The following SYT16 variants were observed in gnomAD, a reference collection of about 807,000 sequenced individuals.
SYT16 encodes synaptotagmin 16.
In SYT16, 42 loss-of-function variants were observed where a neutral mutation model predicts 61.4. The observed-to-expected ratio is 0.68, with a 90% confidence interval of 0.53 to 0.89. SYT16 has a LOEUF of 0.89. Among genes scored for constraint, SYT16 ranks in the 40% least tolerant of loss-of-function variants. The pLI is 0.00. For missense variants in SYT16, 804 were observed against 807.3 expected (o/e 1.00, Z 0.05); for synonymous variants, 314 against 302.3 (o/e 1.04, Z -0.40).
At chr14:61,814,396 G>C (rs1422389904) in intron 1 of SYT16, among the ~76,000 whole-genome samples, 1 of 152,188 alleles carries the variant, frequency 6.6e-6, no homozygotes, top group East Asian at 1.9e-4. Flanking sequence ...CAAAGGCAAA[G>C]GGGTTCAAAG....
intron 3 of SYT16, among the ~76,000 whole-genome samples, chr14:62,062,761 T>C (rs1294884661): frequency 6.6e-6 from 1 of 152,130 alleles, no homozygotes; most frequent in African/African-American, 2.4e-5. Flanking sequence ...AGAAATCTCG[T>C]ATCTAAGGGA....
chr14:62,078,140 T>TCTCTCG (rs2056567970), intron 5 of SYT16, among the ~76,000 whole-genome samples: 3 of 127,026 alleles, frequency 2.4e-5, no homozygotes, highest in African/African-American at 1.0e-4. Flanking sequence ...GCTCTCTCGC[T>TCTCTCG]CTCTCTCTCT....
Position 61,996,475 on chromosome 14 carries a change from TG to T in SYT16, c.458del (p.Gly153AlafsTer14). 6.2e-7 allele frequency: 1 copy of T among 1,613,226 alleles called. No homozygotes were observed. Among genetic ancestry groups the T allele is most frequent in the Non-Finnish European group, 8.5e-7 (1 of 1,179,454 alleles). ...AGCATCACCTTGAAAAGCAAAGAAG[TG>T]GCCTTCAACATGGCTTTGACAGCCA... The part of the protein sequence containing the change: ...EEHHLEKQRS[G>X]LQHGFDSQLP... On this transcript the variant is annotated frameshift_variant, in exon 3 of 8. Coordinates refer to ENST00000683842, the MANE Select transcript of SYT16 (RefSeq NM_001367656.1). LOFTEE classifies it high-confidence loss of function.
intron 1 of SYT16, among the ~76,000 whole-genome samples, chr14:61,938,038 C>CACACACACACACAT (rs2050055641): frequency 6.6e-6 from 1 of 151,732 alleles, no homozygotes; most frequent in Admixed American, 6.6e-5. Flanking sequence ...CACACACACA[C>CACACACACACACAT]ACACACACAC....
chr14:62,005,976 G>A (rs2053205662), intron 3 of SYT16, among the ~76,000 whole-genome samples: 1 of 152,142 alleles, frequency 6.6e-6, no homozygotes, highest in African/African-American at 2.4e-5. Context: ...TATAGATGGA[G>A]GAGGTTGCCT....
At chr14:61,944,539 T>C (rs533671130) in intron 1 of SYT16, among the ~76,000 whole-genome samples, 3 of 152,266 alleles carry the variant, frequency 2.0e-5, no homozygotes, top group South Asian at 4.1e-4. Flanking sequence ...AACAGAGATA[T>C]AGACCAATGG....
chr14:61,854,563 C>T (rs141976941), intron 1 of SYT16, among the ~76,000 whole-genome samples: 101 of 152,312 alleles, frequency 6.6e-4, no homozygotes, highest in African/African-American at 2.4e-3. Flanking sequence ...TTTATAATGT[C>T]ACTGCTCTGG....
intron 3 of SYT16, among the ~76,000 whole-genome samples, chr14:62,038,782 T>A (rs1251794895): frequency 6.6e-6 from 1 of 152,204 alleles, no homozygotes; most frequent in African/African-American, 2.4e-5. Context: ...GTTACTTAAC[T>A]TTTCTGGGCT....
At chr14:61,871,768 T>C (rs967998764) in intron 1 of SYT16, among the ~76,000 whole-genome samples, 1 of 152,238 alleles carries the variant, frequency 6.6e-6, no homozygotes, top group African/African-American at 2.4e-5. Flanking sequence ...TACCGCATTA[T>C]AGACAATATA....
intron 1 of SYT16, among the ~76,000 whole-genome samples, chr14:61,950,854 G>A (rs757587655): frequency 3.3e-5 from 5 of 152,100 alleles, no homozygotes; most frequent in Admixed American, 6.5e-5. Flanking sequence ...TCTGAGAATC[G>A]ATTAGAATCC....
chr14:61,837,458 C>T (rs368457306), intron 1 of SYT16, among the ~76,000 whole-genome samples: 6 of 151,902 alleles, frequency 3.9e-5, no homozygotes, highest in East Asian at 1.9e-4. Flanking sequence ...AGGCTGGTCT[C>T]GAACTCCTGG....
At chr14:61,879,622 C>T (rs575022731) in intron 1 of SYT16, among the ~76,000 whole-genome samples, 1 of 152,320 alleles carries the variant, frequency 6.6e-6, no homozygotes, top group South Asian at 2.1e-4. Flanking sequence ...GTCCCACCCT[C>T]CTGGCGGGAG....
At chr14:61,997,337 A>C (rs578261744) in intron 3 of SYT16, among the ~76,000 whole-genome samples, 2 of 152,172 alleles carry the variant, frequency 1.3e-5, no homozygotes, top group Admixed American at 6.6e-5. Context: ...TGTAATGCAC[A>C]TATAAGTCAC....
intron 1 of SYT16, among the ~76,000 whole-genome samples, chr14:61,894,415 C>T (rs2048255597): frequency 6.6e-6 from 1 of 152,000 alleles, no homozygotes; most frequent in African/African-American, 2.4e-5. Flanking sequence ...CTATCTGCAG[C>T]AACTGTGGTT....
At chr14:62,088,227 A>G in intron 7 of SYT16, among the ~76,000 whole-genome samples, 1 of 152,260 alleles carries the variant, frequency 6.6e-6, no homozygotes, top group East Asian at 1.9e-4. Context: ...AGAAGAGTGA[A>G]TAAGCAAATT....
chr14:62,026,064 T>C (rs1380648998), intron 3 of SYT16, among the ~76,000 whole-genome samples: 4 of 152,184 alleles, frequency 2.6e-5, no homozygotes, highest in Non-Finnish European at 5.9e-5. Flanking sequence ...GCTTTTCTTT[T>C]ATATGCCTTA....
intron 1 of SYT16, among the ~76,000 whole-genome samples, chr14:61,830,983 A>C (rs1054525832): frequency 3.3e-5 from 5 of 152,236 alleles, no homozygotes; most frequent in African/African-American, 4.8e-5. Flanking sequence ...CAATGAGTAT[A>C]TTCACAAGGG....
intron 1 of SYT16, among the ~76,000 whole-genome samples, chr14:61,821,728 G>T (rs908863179): frequency 6.6e-6 from 1 of 152,208 alleles, no homozygotes; most frequent in Non-Finnish European, 1.5e-5. Flanking sequence ...TTGGCTAGTA[G>T]CAAGTCATAG....
chr14:61,818,764 G>A (rs1193471700), intron 1 of SYT16, among the ~76,000 whole-genome samples: 1 of 151,930 alleles, frequency 6.6e-6, no homozygotes, highest in Non-Finnish European at 1.5e-5. Context: ...TGACATATAT[G>A]GGCTGTGCAC....
Sources: allele counts gnomAD v4.1 joint callset (sites outside exome capture counted in the v4.1 genomes callset), GRCh38; gene constraint gnomAD v4.1.1; transcripts MANE v1.5; gene names NCBI Gene and HGNC (gene_info 2026-07-23, HGNC 2026-07-21).